PTPRT: variants seen among roughly 807,000 people sequenced by gnomAD.
PTPRT encodes protein tyrosine phosphatase receptor type T.
In PTPRT, 56 loss-of-function variants were observed where a neutral mutation model predicts 176.8. The observed-to-expected ratio is 0.32, with a 90% CI of 0.26 to 0.40. PTPRT has a LOEUF of 0.40. PTPRT is among the 10% of genes least tolerant of loss of function. The pLI, the probability that PTPRT is intolerant of heterozygous loss-of-function variation, is 1.00. For synonymous variants in PTPRT, 783 were observed against 739.0 expected (o/e 1.06, Z -0.96); for missense variants, 1,540 against 1,908.2 (o/e 0.81, Z 3.60).
chr20:42,998,117 T>G (rs1984330746), intron 1 of PTPRT, among the ~76,000 whole-genome samples: 1 of 152,082 alleles, frequency 6.6e-6, no homozygotes. Flanking sequence ...AGCTACCCCC[T>G]CTATGGAAAA....
chr20:42,494,957 A>C (rs999936330), intron 7 of PTPRT, among the ~76,000 whole-genome samples: 3 of 152,180 alleles, frequency 2.0e-5, no homozygotes, highest in African/African-American at 7.2e-5. Flanking sequence ...TTCCTCGGGC[A>C]CAAGTGAATC....
chr20:42,984,082 C>T (rs1983428023), intron 1 of PTPRT, among the ~76,000 whole-genome samples: 1 of 152,146 alleles, frequency 6.6e-6, no homozygotes. Flanking sequence ...TCAGCTGCAC[C>T]AAAACATACA....
chr20:42,825,241 C>A (rs1470296619), intron 2 of PTPRT, among the ~76,000 whole-genome samples: 1 of 152,018 alleles, frequency 6.6e-6, no homozygotes, highest in Non-Finnish European at 1.5e-5. Context: ...TGAATAATCC[C>A]AATCTAGAAG....
intron 17 of PTPRT, among the ~76,000 whole-genome samples, chr20:42,149,422 A>ATTT (rs11479052): frequency 0.1 from 14,696 of 143,844 alleles, 1,825 homozygotes; most frequent in African/African-American, 0.3. Context: ...AAAGTTTTGG[A>ATTT]TTTTTTTTTT....
chr20:42,555,436 A>G (rs190797668), intron 7 of PTPRT, among the ~76,000 whole-genome samples: 2 of 152,304 alleles, frequency 1.3e-5, no homozygotes, highest in East Asian at 3.9e-4. Flanking sequence ...ATAGAACATG[A>G]TGAGTACGAG....
intron 7 of PTPRT, among the ~76,000 whole-genome samples, chr20:42,588,227 T>A (rs1413224945): frequency 6.6e-6 from 1 of 152,126 alleles, no homozygotes; most frequent in African/African-American, 2.4e-5. Flanking sequence ...GTGGATCACT[T>A]GAGGTTAGGA....
intron 7 of PTPRT, among the ~76,000 whole-genome samples, chr20:42,626,356 C>T (rs1227901595): frequency 2.0e-5 from 3 of 152,120 alleles, no homozygotes; most frequent in African/African-American, 7.2e-5. Context: ...CACACATCTC[C>T]ATTCTAACAC....
chr20:42,959,581 C>A (rs777410946), intron 1 of PTPRT, among the ~76,000 whole-genome samples: 1 of 152,262 alleles, frequency 6.6e-6, no homozygotes, highest in East Asian at 1.9e-4. Context: ...CTCCACCATA[C>A]AATAAAGCCA....
At chr20:43,105,086 TC>T (rs1407268414) in intron 1 of PTPRT, among the ~76,000 whole-genome samples, 1 of 152,020 alleles carries the variant, frequency 6.6e-6, no homozygotes, top group East Asian at 1.9e-4. Flanking sequence ...TGGAAACACA[TC>T]CAGATGGACA....
chr20:42,962,403 G>C (rs1248870591), intron 1 of PTPRT, among the ~76,000 whole-genome samples: 1 of 151,436 alleles, frequency 6.6e-6, no homozygotes, highest in African/African-American at 2.4e-5. Flanking sequence ...TTAGAAATAT[G>C]AAAGACAAAA....
intron 5 of PTPRT, among the ~76,000 whole-genome samples, chr20:42,768,417 ACATTGTT>A (rs972772031): frequency 5.3e-5 from 8 of 151,768 alleles, no homozygotes; most frequent in Non-Finnish European, 1.2e-4. Flanking sequence ...GTGGTGGGGA[ACATTGTT>A]CATTGCATCA....
intron 2 of PTPRT, among the ~76,000 whole-genome samples, chr20:42,856,873 A>G (rs1303244860): frequency 3.9e-5 from 6 of 152,136 alleles, no homozygotes; most frequent in African/African-American, 1.4e-4. Context: ...TGGGAGGGAA[A>G]AAGGAGGAGA....
chr20:43,011,059 C>T (rs144014626), intron 1 of PTPRT, among the ~76,000 whole-genome samples: 1,614 of 152,262 alleles, frequency 0.011, 13 homozygotes, highest in Non-Finnish European at 0.016. Flanking sequence ...CCTGCTTATT[C>T]GTTAGGTATT....
chr20:42,634,105 TATA>T (rs1174510657), intron 7 of PTPRT, among the ~76,000 whole-genome samples: 1 of 54,246 alleles, frequency 1.8e-5, no homozygotes, highest in African/African-American at 1.1e-4. Context: ...ATATATATAT[TATA>T]ATAATATAAT....
chr20:42,182,512 G>A (rs1990564118), intron 16 of PTPRT, among the ~76,000 whole-genome samples: 1 of 152,114 alleles, frequency 6.6e-6, no homozygotes, highest in Non-Finnish European at 1.5e-5. Context: ...CTCCACTGCA[G>A]AAGAGACAGA....
In PTPRT at chr20:42,078,997, CCCCTCATG is replaced by C. The variant is rs1983052104; in HGVS notation, c.*1874_*1881del. Reference sequence around the variant, plus strand: ...AAGCTGTACCTTCTTGAATTCTCTGCCCCTCATGCCCTGTCTGGGGCTAGACCAGCCTT... The same window carrying C: ...AAGCTGTACCTTCTTGAATTCTCTGCCCCTGTCTGGGGCTAGACCAGCCTT... On this transcript the variant is annotated 3_prime_UTR_variant, in exon 31 of 31. Transcript: ENST00000373187. 5.6e-6 allele frequency: 1 copy of C among 178,536 alleles called. No homozygotes were observed. The highest frequency in any genetic ancestry group is 1.2e-5 in the Non-Finnish European group (1 of 83,210). The allele number at this position is 178,536 out of a possible 1,614,324, so 11.1% of individuals were successfully genotyped here.
At chr20:42,330,918 A>G (rs2057956528) in intron 11 of PTPRT, among the ~76,000 whole-genome samples, 2 of 152,200 alleles carry the variant, frequency 1.3e-5, no homozygotes, top group African/African-American at 4.8e-5. Context: ...GCTCTATTAA[A>G]TTAGAATGTG....
chr20:42,428,859 A>G (rs182994450), intron 9 of PTPRT, among the ~76,000 whole-genome samples: 1 of 152,228 alleles, frequency 6.6e-6, no homozygotes, highest in Admixed American at 6.5e-5. Flanking sequence ...TGTAGACTAC[A>G]TGGTTTCCAA....
intron 9 of PTPRT, among the ~76,000 whole-genome samples, chr20:42,413,751 C>T (rs1052954291): frequency 6.6e-6 from 1 of 152,184 alleles, no homozygotes; most frequent in Admixed American, 6.6e-5. Flanking sequence ...GCATTCAAAC[C>T]TCACTCAAAG....
Sources: gnomAD v4.1 joint callset for allele counts (sites outside exome capture counted in the v4.1 genomes callset) on GRCh38, gnomAD v4.1.1 for gene constraint, MANE v1.5 for transcripts, NCBI Gene and HGNC (gene_info 2026-07-23, HGNC 2026-07-21) for gene names.